WNT2: variants seen among roughly 807,000 people sequenced by gnomAD.
The protein encoded by WNT2 is Wnt family member 2.
In WNT2, 12 loss-of-function variants were observed where a neutral mutation model predicts 36.9. That is an observed-to-expected ratio of 0.33 (90% confidence interval 0.21 to 0.53). The LOEUF (loss-of-function observed/expected upper bound fraction) is 0.53, where lower values mean the gene tolerates loss of function less well. Ranked by LOEUF, WNT2 falls within the 20% of genes least tolerant of loss-of-function variation. The probability of loss-of-function intolerance (pLI) is 0.95; values close to 1 mark genes in which losing one functional copy is unlikely to be tolerated. For synonymous variants in WNT2, 163 were observed against 174.6 expected (o/e 0.93, Z 0.52); for missense variants, 379 against 473.1 (o/e 0.80, Z 1.84).
intron 4 of WNT2, among the ~76,000 whole-genome samples, chr7:117,282,581 G>A (rs1438879837): frequency 1.3e-5 from 2 of 152,242 alleles, no homozygotes; most frequent in Non-Finnish European, 1.5e-5. Flanking sequence ...TGAGGAGCAG[G>A]AAAGTGTTCC....
At chr7:117,281,360 C>T (rs1012046444) in intron 4 of WNT2, among the ~76,000 whole-genome samples, 1 of 152,152 alleles carries the variant, frequency 6.6e-6, no homozygotes, top group Non-Finnish European at 1.5e-5. Flanking sequence ...ATCTCAGCCT[C>T]TCAAGTGGCT....
At chr7:117,303,332 T>C (rs1193667942) in intron 3 of WNT2, among the ~76,000 whole-genome samples, 1 of 152,194 alleles carries the variant, frequency 6.6e-6, no homozygotes, top group Non-Finnish European at 1.5e-5. Flanking sequence ...TTAGAGATTG[T>C]TTCCTACCCT....
At chr7:117,299,415 G>T (rs906037899) in intron 3 of WNT2, among the ~76,000 whole-genome samples, 3 of 151,978 alleles carry the variant, frequency 2.0e-5, no homozygotes, top group Non-Finnish European at 4.4e-5. Context: ...TTTAAATCTA[G>T]GTTATTTAAT....
chr7:117,310,724 C>T (rs947248403), intron 3 of WNT2, among the ~76,000 whole-genome samples: 8 of 151,980 alleles, frequency 5.3e-5, no homozygotes, highest in Non-Finnish European at 1.2e-4. Flanking sequence ...TGATACACTT[C>T]CTGCTCCAAT....
chr7:117,278,286 C>CA lies in WNT2; in HGVS notation c.951dup (p.Val318CysfsTer10). ...CACCCACACTTGGTCATCCGGGTGACATGGGAGGTGTCGTAGCCTCTCCCA... is the reference window on the plus strand; with the variant it reads ...CACCCACACTTGGTCATCCGGGTGACAATGGGAGGTGTCGTAGCCTCTCCCA... On this transcript the variant is annotated frameshift_variant, in exon 5 of 5. Transcript: ENST00000265441. LOFTEE classifies it high-confidence loss of function. The CA allele has an allele frequency of 2.5e-6, 4 of 1,614,244 alleles. No individual in the cohort carries two copies. Among genetic ancestry groups the CA allele is most frequent in the Non-Finnish European group, 3.4e-6 (4 of 1,180,046 alleles).
chr7:117,297,501 G>T lies in WNT2; in HGVS notation c.853+111C>A. The T allele has an allele frequency of 3.0e-6, 4 of 1,339,562 alleles. No individual in the cohort carries two copies. In the South Asian group the frequency reaches 4.2e-5, roughly 14 times the overall value. 83.0% of individuals were successfully genotyped at this position (1,339,562 alleles called of 1,614,324 possible). ...AGTTTCAATAAGAATGATAAGGATCGTGAGCTTTGAACCTAAAGAGAGCAG... is the reference window on the plus strand; with the variant it reads ...AGTTTCAATAAGAATGATAAGGATCTTGAGCTTTGAACCTAAAGAGAGCAG... On this transcript the variant is annotated intron_variant, in intron 4 of 4. Transcript: ENST00000265441.
intron 2 of WNT2, among the ~76,000 whole-genome samples, chr7:117,317,068 G>A (rs749820035): frequency 2.0e-5 from 3 of 152,120 alleles, no homozygotes; most frequent in South Asian, 2.1e-4. Flanking sequence ...AGAAGCCGGC[G>A]CCCATGTTTA....
intron 4 of WNT2, among the ~76,000 whole-genome samples, chr7:117,280,826 AT>A (rs1221908084): frequency 1.3e-5 from 2 of 152,252 alleles, no homozygotes; most frequent in Non-Finnish European, 2.9e-5. Flanking sequence ...AATGTTAACT[AT>A]CCATATCTTC....
At chr7:117,301,272 T>G (rs1794900899) in intron 3 of WNT2, among the ~76,000 whole-genome samples, 1 of 152,132 alleles carries the variant, frequency 6.6e-6, no homozygotes, top group African/African-American at 2.4e-5. Flanking sequence ...CCTTCATCTC[T>G]TCTATGTACT....
In WNT2 at chr7:117,312,211, T is replaced by C. The variant is rs543408329; in HGVS notation, c.588+2860A>G. On this transcript the variant is annotated intron_variant, in intron 3 of 4. Transcript: ENST00000265441. Reference sequence around the variant, plus strand: ...CAGGGTCTCGTGCTGTCACCCAGGCTGGAATGCTGTGGTGTGATCAAGACT... The same window carrying C: ...CAGGGTCTCGTGCTGTCACCCAGGCCGGAATGCTGTGGTGTGATCAAGACT... 8.5e-4 allele frequency among the ~76,000 whole-genome samples: 129 copies of C among 152,324 alleles called. 1 individual carries two copies. The highest frequency in any genetic ancestry group is 1.7e-3 in the Non-Finnish European group (113 of 68,018).
At position 117,312,899 on chromosome 7, in the gene WNT2, G is replaced by A. The variant is rs954173016; in HGVS notation, c.588+2172C>T. On this transcript the variant is annotated intron_variant, in intron 3 of 4. Transcript: ENST00000265441. The stretch of plus-strand genomic sequence containing the variant: ...TGACTTTTAACATTAGCTAAACAGA[G>A]CAATCTTAGAATAGATGGTTTTTAA... Among the ~76,000 whole-genome samples the A allele has an allele frequency of 2.6e-5, 4 of 152,170 alleles. 1 individual carries two copies. The highest frequency in any genetic ancestry group is 2.6e-4 in the Admixed American group (4 of 15,274).
chr7:117,306,936 A>G (rs1795025524), intron 3 of WNT2, among the ~76,000 whole-genome samples: 1 of 152,232 alleles, frequency 6.6e-6, no homozygotes, highest in Admixed American at 6.5e-5. Context: ...TAACTGCTTC[A>G]GTGCTAAAAT....
chr7:117,294,600 A>G (rs1794752505), intron 4 of WNT2, among the ~76,000 whole-genome samples: 1 of 151,988 alleles, frequency 6.6e-6, no homozygotes, highest in South Asian at 2.1e-4. Flanking sequence ...AACTAAAAAA[A>G]AAAAAAAAAA....
In WNT2 at chr7:117,323,053, A is replaced by G; in HGVS notation, c.-64T>C. 1 of 1,417,658 alleles carries G rather than the reference A, an allele frequency of 7.1e-7. No homozygotes were observed. Among genetic ancestry groups the G allele is most frequent in the Non-Finnish European group, 9.5e-7 (1 of 1,054,686 alleles). 87.8% of individuals were successfully genotyped at this position (1,417,658 alleles called of 1,614,324 possible). A position where few individuals can be genotyped will look rare whatever the true frequency, so the allele number is the denominator to read the frequency against. On this transcript the variant is annotated 5_prime_UTR_variant, in exon 1 of 5. Coordinates refer to ENST00000265441, the MANE Select transcript of WNT2 (RefSeq NM_003391.3). ...TGCGGGCGCCATGCGTGCCCAGAGCAGAAGCGCTCAGCTCCGGGAGCGCCT... is the reference window on the plus strand; with the variant it reads ...TGCGGGCGCCATGCGTGCCCAGAGCGGAAGCGCTCAGCTCCGGGAGCGCCT...
chr7:117,286,314 A>G (rs1794578215), intron 4 of WNT2, among the ~76,000 whole-genome samples: 1 of 152,180 alleles, frequency 6.6e-6, no homozygotes, highest in Non-Finnish European at 1.5e-5. Context: ...CATCTTGCTG[A>G]CAGCAGAGGA....
In WNT2 at chr7:117,315,134, C is replaced by T. The variant is rs770819312; in HGVS notation, c.525G>A (p.Lys175=). The T allele has an allele frequency of 1.1e-5, 17 of 1,614,198 alleles. No homozygotes were observed. The highest frequency in any genetic ancestry group is 1.4e-5 in the Non-Finnish European group (16 of 1,180,026). The change falls in exon 3 of 5, where the codon AAG becomes AAA. Residue 175 remains lysine (K), a synonymous_variant. Coordinates refer to ENST00000265441, the MANE Select transcript of WNT2 (RefSeq NM_003391.3). ...CTCTGGCATCCTTTCCTTTCCTTTC[C>T]TTTGCATCCACAAATGCGCGGGCAA... is the stretch of plus-strand genomic sequence containing the variant. ...IKFARAFVDA[K]ERKGKDARAL...
At chr7:117,289,566 T>C (rs187870494) in intron 4 of WNT2, among the ~76,000 whole-genome samples, 3 of 152,356 alleles carry the variant, frequency 2.0e-5, no homozygotes, top group Admixed American at 2.0e-4. Context: ...AAGTTATCTT[T>C]AAGCTATGAA....
chr7:117,287,674 A>C (rs1373273635), intron 4 of WNT2, among the ~76,000 whole-genome samples: 1 of 152,112 alleles, frequency 6.6e-6, no homozygotes, highest in Non-Finnish European at 1.5e-5. Flanking sequence ...TAAATATTAC[A>C]TTAAAAATAG....
At chr7:117,300,162 A>G (rs1004975294) in intron 3 of WNT2, among the ~76,000 whole-genome samples, 4 of 152,164 alleles carry the variant, frequency 2.6e-5, no homozygotes, top group Non-Finnish European at 5.9e-5. Flanking sequence ...TTGTAAAAAA[A>G]AAGTTTCTTC....
Sources: gnomAD v4.1 joint callset for allele counts (sites outside exome capture counted in the v4.1 genomes callset) on GRCh38, gnomAD v4.1.1 for gene constraint, MANE v1.5 for transcripts, NCBI Gene and HGNC (gene_info 2026-07-23, HGNC 2026-07-21) for gene names.